Variants in NR6A1 observed in about 807,000 individuals in gnomAD.
NR6A1 encodes the protein nuclear receptor subfamily 6 group A member 1, also known as retinoic acid receptor-related testis-associated receptor.
Under a neutral mutation model 59.1 loss-of-function variants are expected in NR6A1, and 7 were observed. That is an observed-to-expected ratio of 0.12 (90% confidence interval 0.07 to 0.22). The LOEUF (loss-of-function observed/expected upper bound fraction) is 0.22, where lower values mean the gene tolerates loss of function less well. Among genes scored for constraint, NR6A1 ranks in the 10% least tolerant of loss-of-function variants. NR6A1 has a pLI of 1.00. For missense variants in NR6A1, 468 were observed against 611.6 expected (o/e 0.77, Z 2.48); for synonymous variants, 243 against 236.1 (o/e 1.03, Z -0.27).
Position 124,554,517 on chromosome 9 carries a change from G to A in NR6A1, c.196C>T (p.Arg66Cys), listed in dbSNP as rs774485284. 8.7e-6 allele frequency: 14 copies of A among 1,614,038 alleles called. No homozygotes were observed. Among genetic ancestry groups the A allele is most frequent in the African/African-American group, 4.0e-5 (3 of 74,894 alleles). The change falls in exon 3 of 10, where the codon CGC becomes TGC. Residue 66 changes from arginine to cysteine, a missense_variant. Coordinates refer to ENST00000487099, the MANE Select transcript of NR6A1 (RefSeq NM_033334.4). ...ATCCCATAGTGCAAGCCTGTAGCGC[G>A]GTCCCCACAAATGAGACAGGTTCGT... ...EQRTCLICGD[R>C]ATGLHYGIIS...
intron 2 of NR6A1, among the ~76,000 whole-genome samples, chr9:124,697,676 T>TAA (rs35472562): frequency 4.4e-5 from 6 of 135,090 alleles, no homozygotes; most frequent in African/African-American, 1.1e-4. Flanking sequence ...AGGTAGGATT[T>TAA]AAAAAAAAAA....
rs192711945 is a variant in NR6A1, at chr9:124,643,678, T to C, written c.143-89108A>G. 1.2e-3 allele frequency among the ~76,000 whole-genome samples: 182 copies of C among 148,056 alleles called. 1 individual carries two copies. The East Asian group carries it at 0.025, about 21-fold the overall frequency. On this transcript the variant is annotated intron_variant, in intron 2 of 9. Coordinates refer to ENST00000487099, the MANE Select transcript of NR6A1 (RefSeq NM_033334.4). Reference sequence around the variant, plus strand: ...TACTTAGGAGGCTGACATGGAAGGATTGCTTGAGCCCATGAGCCCAGGAGT... The same window carrying C: ...TACTTAGGAGGCTGACATGGAAGGACTGCTTGAGCCCATGAGCCCAGGAGT...
At chr9:124,688,788 T>C (rs1838425100) in intron 2 of NR6A1, among the ~76,000 whole-genome samples, 4 of 152,218 alleles carry the variant, frequency 2.6e-5, no homozygotes, top group Admixed American at 1.3e-4. Flanking sequence ...CTGGATTCCA[T>C]AATTGAAACT....
chr9:124,759,835 T>G (rs1840737745), intron 1 of NR6A1, among the ~76,000 whole-genome samples: 1 of 151,710 alleles, frequency 6.6e-6, no homozygotes, highest in South Asian at 2.1e-4. Context: ...AGATCAGGAG[T>G]TCGAGACCAG....
chr9:124,731,962 C>T lies in NR6A1; in HGVS notation c.142+1346G>A, dbSNP rs528149664. Reference sequence around the variant, plus strand: ...TTAAGGGTCAACCGTACTATATACACCTATAGCTGCTGGTATACTGGGGCT... The same window carrying T: ...TTAAGGGTCAACCGTACTATATACATCTATAGCTGCTGGTATACTGGGGCT... On this transcript the variant is annotated intron_variant, in intron 2 of 9. Coordinates refer to ENST00000487099, the MANE Select transcript of NR6A1 (RefSeq NM_033334.4). Among the ~76,000 whole-genome samples, 3 of 152,284 alleles carry T rather than the reference C, an allele frequency of 2.0e-5. No individual in the cohort carries two copies. In the East Asian group the frequency reaches 5.8e-4, roughly 29 times the overall value.
At chr9:124,580,369 G>A (rs201644050) in intron 2 of NR6A1, among the ~76,000 whole-genome samples, 2 of 152,138 alleles carry the variant, frequency 1.3e-5, no homozygotes, top group Admixed American at 6.5e-5. Context: ...ATCTGTAGCT[G>A]CTGTGGGTTA....
chr9:124,662,116 G>A (rs536738531), intron 2 of NR6A1, among the ~76,000 whole-genome samples: 10 of 152,146 alleles, frequency 6.6e-5, no homozygotes, highest in Middle Eastern at 3.4e-3. Context: ...AGAGGTCCAG[G>A]TCCATTTTTT....
At chr9:124,532,629 C>T (rs1452750656) in intron 7 of NR6A1, among the ~76,000 whole-genome samples, 3 of 152,324 alleles carry the variant, frequency 2.0e-5, no homozygotes, top group South Asian at 2.1e-4. Flanking sequence ...GTTATTTTTG[C>T]ATCGATGGAT....
chr9:124,581,951 A>C (rs1834784657), intron 2 of NR6A1, among the ~76,000 whole-genome samples: 1 of 152,214 alleles, frequency 6.6e-6, no homozygotes, highest in Non-Finnish European at 1.5e-5. Context: ...GTGGAGAAAT[A>C]GGAATGCTTT....
intron 4 of NR6A1, 99 bp downstream of exon 4, chr9:124,543,703 C>T: frequency 1.2e-6 from 1 of 851,570 alleles, no homozygotes; most frequent in Non-Finnish European, 1.8e-6. Flanking sequence ...AGATGGCTCT[C>T]CTCAGCAGCA....
chr9:124,695,921 C>A (rs1488849576), intron 2 of NR6A1, among the ~76,000 whole-genome samples: 2 of 152,098 alleles, frequency 1.3e-5, no homozygotes, highest in Non-Finnish European at 1.5e-5. Context: ...TTATATATTT[C>A]ATTAAACCAA....
intron 1 of NR6A1, among the ~76,000 whole-genome samples, chr9:124,755,002 C>A (rs978260176): frequency 6.6e-6 from 1 of 152,116 alleles, no homozygotes; most frequent in African/African-American, 2.4e-5. Context: ...AGGATTTAAA[C>A]CCAAGTCTAA....
chr9:124,681,112 A>C (rs1377483864), intron 2 of NR6A1, among the ~76,000 whole-genome samples: 1 of 152,192 alleles, frequency 6.6e-6, no homozygotes, highest in Non-Finnish European at 1.5e-5. Context: ...GGTACACATA[A>C]AGCACTTCTG....
chr9:124,563,701 T>C (rs1439957610), intron 2 of NR6A1, among the ~76,000 whole-genome samples: 1 of 152,232 alleles, frequency 6.6e-6, no homozygotes, highest in Non-Finnish European at 1.5e-5. Context: ...TTCTACTTTA[T>C]GATGGTATGA....
intron 2 of NR6A1, among the ~76,000 whole-genome samples, chr9:124,657,049 A>T (rs1837280127): frequency 6.6e-6 from 1 of 152,178 alleles, no homozygotes; most frequent in Non-Finnish European, 1.5e-5. Context: ...AAATTATTAC[A>T]ACAGTCAATT....
chr9:124,647,112 CT>C (rs1169809411), intron 2 of NR6A1, among the ~76,000 whole-genome samples: 4 of 152,134 alleles, frequency 2.6e-5, no homozygotes, highest in African/African-American at 4.8e-5. Flanking sequence ...CAAGGTCTCA[CT>C]ATGTTGTAGC....
intron 4 of NR6A1, among the ~76,000 whole-genome samples, chr9:124,542,842 G>A (rs913429806): frequency 1.3e-5 from 2 of 152,146 alleles, no homozygotes; most frequent in Non-Finnish European, 2.9e-5. Context: ...ACAGGCGTGT[G>A]CCACTGCTCC....
chr9:124,540,550 T>C lies in NR6A1; in HGVS notation c.442-363A>G, dbSNP rs151132334. Among the ~76,000 whole-genome samples, 422 of 152,272 alleles carry C rather than the reference T, an allele frequency of 2.8e-3. 2 individuals carry two copies. Among genetic ancestry groups the C allele is most frequent in the African/African-American group, 9.2e-3 (382 of 41,564 alleles). On this transcript the variant is annotated intron_variant, in intron 4 of 9. Transcript: ENST00000487099. ...TTCAAATGTCACCTCTTGCCAGGCATGGTGGCTCATGCCTGTAATCCCAAA... is the reference window on the plus strand; with the variant it reads ...TTCAAATGTCACCTCTTGCCAGGCACGGTGGCTCATGCCTGTAATCCCAAA...
chr9:124,751,535 T>C (rs1328652697), intron 1 of NR6A1, among the ~76,000 whole-genome samples: 1 of 152,212 alleles, frequency 6.6e-6, no homozygotes, highest in Non-Finnish European at 1.5e-5. Flanking sequence ...ATTGAGACCC[T>C]GGAATCAAAG....
Sources: gnomAD v4.1 joint callset for allele counts (sites outside exome capture counted in the v4.1 genomes callset) on GRCh38, gnomAD v4.1.1 for gene constraint, MANE v1.5 for transcripts, NCBI Gene and HGNC (gene_info 2026-07-23, HGNC 2026-07-21) for gene names.